Variants in MYO1F observed in about 807,000 individuals in gnomAD.
The protein encoded by MYO1F is unconventional myosin-If.
In MYO1F, 60 loss-of-function variants were observed where a neutral mutation model predicts 146.6. That is an observed-to-expected ratio of 0.41 (90% CI 0.33 to 0.51). The LOEUF is 0.51. MYO1F is among the 20% of genes least tolerant of loss of function. The pLI, the probability that MYO1F is intolerant of heterozygous loss-of-function variation, is 0.25. For missense variants in MYO1F, 1,274 were observed against 1,534.3 expected (o/e 0.83, Z 2.83); for synonymous variants, 602 against 602.1 (o/e 1.00, Z 0.00).
intron 1 of MYO1F, among the ~76,000 whole-genome samples, chr19:8,557,282 A>G (rs1973901144): frequency 7.4e-6 from 1 of 135,718 alleles, no homozygotes. Context: ...CTCAAAAAAA[A>G]CAAACAACCA....
rs368617557 is a variant in MYO1F, at chr19:8,522,688, G to T, written c.2996C>A (p.Pro999Gln). ...LGASRRPRARPPSEHNTEFLN... is the reference protein window; with the variant it reads ...LGASRRPRARQPSEHNTEFLN... ...GAATTCTGTGTTGTGCTCTGAGGGC[G>T]GACGTGCCCGGGGTCGTCTGCTGGC... Residue 999 changes from proline to glutamine, a missense_variant, in exon 26 of 28, where the codon CCG becomes CAG. Pro to Gln is a moderately conservative substitution (Grantham distance 76). Coordinates refer to ENST00000644032, the MANE Select transcript of MYO1F (RefSeq NM_012335.4). The T allele has an allele frequency of 6.2e-7, 1 of 1,613,942 alleles. No individual in the cohort carries two copies.
rs777399078 is a variant in MYO1F, at chr19:8,530,339, CCTT to C, written c.2182_2184del (p.Lys728del). 4 of 1,614,032 alleles carry C rather than the reference CCTT, an allele frequency of 2.5e-6. No individual in the cohort carries two copies. The highest frequency in any genetic ancestry group is 1.6e-4 in the Middle Eastern group (1 of 6,084). On this transcript the variant is annotated inframe_deletion, in exon 21 of 28. Coordinates refer to ENST00000644032, the MANE Select transcript of MYO1F (RefSeq NM_012335.4). The surrounding 1 kb of genome is among the most constrained non-coding windows in gnomAD (Gnocchi z 5.8). ...CGATTGATGCTGTTGCGCCTCCGCT[CCTT>C]CTTGTTCAGCAGGATGTTGGAAGCT...
chr19:8,542,409 A>G (rs992854090), intron 14 of MYO1F, among the ~76,000 whole-genome samples: 5 of 148,374 alleles, frequency 3.4e-5, no homozygotes, highest in Middle Eastern at 3.4e-3. Context: ...GACCTGGTCA[A>G]TCAGGGGCCA....
At chr19:8,551,973 C>T (rs1384623665) in intron 7 of MYO1F, 60 bp downstream of exon 7, 1 of 1,613,886 alleles carries the variant, frequency 6.2e-7, no homozygotes, top group Admixed American at 1.7e-5. Context: ...TTTACCTTCC[C>T]ATTGTCCACC....
At chr19:8,574,163 C>G (rs2042160653) in intron 1 of MYO1F, among the ~76,000 whole-genome samples, 1 of 152,088 alleles carries the variant, frequency 6.6e-6, no homozygotes, top group Non-Finnish European at 1.5e-5. Context: ...ACATTAAACA[C>G]CAACCGCCAC....
In MYO1F at chr19:8,526,476, C is replaced by T. The variant is rs1015223351; in HGVS notation, c.2747G>A (p.Gly916Asp). 1 of 1,562,822 alleles carries T rather than the reference C, an allele frequency of 6.4e-7. No individual in the cohort carries two copies. Among genetic ancestry groups the T allele is most frequent in the Non-Finnish European group, 8.7e-7 (1 of 1,153,566 alleles). ...ACTGGAGCTCTTGGGCAGCCCATCG[C>T]CCACGCTGACCGTGAGGGTCCGACC... The part of the protein sequence containing the change: ...VGGRTLTVSV[G>D]DGLPKSSKPT... The change falls in exon 24 of 28, where the codon GGC becomes GAC. Residue 916 changes from glycine (G) to aspartate (D), a missense_variant. Transcript: ENST00000644032.
intron 1 of MYO1F, among the ~76,000 whole-genome samples, chr19:8,558,958 T>A (rs988978628): frequency 4.6e-5 from 7 of 152,036 alleles, no homozygotes; most frequent in Non-Finnish European, 1.0e-4. Flanking sequence ...GGCTCACTGC[T>A]ACCTCTGCCT....
intron 13 of MYO1F, chr19:8,545,408 T>C: frequency 2.0e-6 from 1 of 512,292 alleles, no homozygotes; most frequent in Non-Finnish European, 3.6e-6. Context: ...TGACTCTAAC[T>C]GTGAGCTGGG....
At position 8,525,566 on chromosome 19, in the gene MYO1F, AAAG is replaced by A; in HGVS notation, c.2771-7_2771-5del. ...GCCATTCCCTTCCGCGTAGGCTCTG[AAAG>A]AAGAGTGTCAGGGAGTTGAATGACA... On this transcript the variant is annotated splice_polypyrimidine_tract_variant and splice_region_variant and intron_variant, in intron 24 of 27. Transcript: ENST00000644032. 1.2e-6 allele frequency: 2 copies of A among 1,612,458 alleles called. No homozygotes were observed. Among genetic ancestry groups the A allele is most frequent in the Non-Finnish European group, 1.7e-6 (2 of 1,179,408 alleles).
chr19:8,569,633 G>A (rs942129182), intron 1 of MYO1F, among the ~76,000 whole-genome samples: 1 of 152,150 alleles, frequency 6.6e-6, no homozygotes, highest in Non-Finnish European at 1.5e-5. Flanking sequence ...TGGTGTCTCA[G>A]TTGCCCAGAG....
intron 16 of MYO1F, 150 bp downstream of exon 16, chr19:8,539,797 G>C: frequency 1.5e-6 from 1 of 667,022 alleles, no homozygotes; most frequent in Non-Finnish European, 2.5e-6. Context: ...GGAAGACCCT[G>C]CTGAACAGAT....
chr19:8,568,812 C>G (rs1158897684), intron 1 of MYO1F, among the ~76,000 whole-genome samples: 1 of 151,722 alleles, frequency 6.6e-6, no homozygotes, highest in African/African-American at 2.4e-5. Flanking sequence ...TCTTAGCTAT[C>G]CGGGAGGCTG....
At chr19:8,573,586 C>T (rs2042149776) in intron 1 of MYO1F, among the ~76,000 whole-genome samples, 1 of 152,140 alleles carries the variant, frequency 6.6e-6, no homozygotes, top group Admixed American at 6.6e-5. Flanking sequence ...CACAGTGGCT[C>T]ACACCTGTAA....
At chr19:8,557,103 TAGTG>T (rs1205454983) in intron 1 of MYO1F, among the ~76,000 whole-genome samples, 1 of 151,816 alleles carries the variant, frequency 6.6e-6, no homozygotes, top group Non-Finnish European at 1.5e-5. Flanking sequence ...CTGGGCAACA[TAGTG>T]AGACCCCCAT....
chr19:8,573,184 G>A (rs571800930), intron 1 of MYO1F, among the ~76,000 whole-genome samples: 3 of 152,046 alleles, frequency 2.0e-5, no homozygotes, highest in South Asian at 2.1e-4. Context: ...GGTGGCGGGC[G>A]CCTGTAGTCC....
rs1192452702 is a variant in MYO1F at position 8,544,041 on chromosome 19, CTGGTGGTGG to C, written c.1524+247_1524+255del. 45 of 212,532 alleles carry C rather than the reference CTGGTGGTGG, an allele frequency of 2.1e-4. No homozygotes were observed. In the African/African-American group the frequency reaches 2.6e-3, roughly 12 times the overall value. 13.2% of individuals were successfully genotyped at this position (212,532 alleles called of 1,614,324 possible). The stretch of plus-strand genomic sequence containing the variant: ...GGCGGTGGCGGTGGCGGTGGCGGTG[CTGGTGGTGG>C]TGGTGGTGGTGGTGGTGGTGTCCAG... On this transcript the variant is annotated intron_variant, in intron 14 of 27. Coordinates refer to ENST00000644032, the MANE Select transcript of MYO1F (RefSeq NM_012335.4).
rs770548153 is a variant in MYO1F, at chr19:8,536,367, G to A, written c.1928C>T (p.Pro643Leu). The change falls in exon 19 of 28, where the codon CCG becomes CTG. Residue 643 changes from proline to leucine, a missense_variant. Pro to Leu is a moderately conservative substitution (Grantham distance 98, BLOSUM62 -3). Transcript: ENST00000644032. ...CTGGCGTTCGTCCCCACGCCACCGC[G>A]GCCACGTCTCGGGGGTCAGAATGGC... Reference protein sequence around the residue: ...RYAILTPETWPRWRGDERQGV... With the variant: ...RYAILTPETWLRWRGDERQGV... 2.6e-5 allele frequency: 41 copies of A among 1,606,408 alleles called. No homozygotes were observed. Among genetic ancestry groups the A allele is most frequent in the Non-Finnish European group, 3.1e-5 (37 of 1,179,910 alleles).
Position 8,577,318 on chromosome 19 carries a change from G to C in MYO1F, c.-9C>G. ...CTTGAAGGACTTACCATGGTGGGGG[G>C]CTGGTGTCTGGGCTCCTGGAGGCTC... On this transcript the variant is annotated 5_prime_UTR_variant, in exon 1 of 28. Transcript: ENST00000644032. The surrounding 1 kb of genome is among the most constrained non-coding windows in gnomAD (Gnocchi z 4.3). 6.2e-7 allele frequency: 1 copy of C among 1,613,960 alleles called. No homozygotes were observed. The highest frequency in any genetic ancestry group is 1.1e-5 in the South Asian group (1 of 91,034).
At chr19:8,562,539 CTTAT>C (rs1480427970) in intron 1 of MYO1F, among the ~76,000 whole-genome samples, 2 of 151,622 alleles carry the variant, frequency 1.3e-5, no homozygotes, top group South Asian at 4.2e-4. Context: ...AATTTATTTA[CTTAT>C]TTATTTTTTT....
Sources: gnomAD v4.1 joint callset for allele counts (sites outside exome capture counted in the v4.1 genomes callset) on GRCh38, gnomAD v4.1.1 for gene constraint, Gnocchi (gnomAD v3.1) non-coding constraint, MANE v1.5 for transcripts, NCBI Gene and HGNC (gene_info 2026-07-23, HGNC 2026-07-21) for gene names.